TMEM132B: variants seen among roughly 807,000 people sequenced by gnomAD.
TMEM132B encodes transmembrane protein 132B.
TMEM132B carries 18 observed loss-of-function variants against 90.8 expected under a neutral mutation model. The ratio of observed to expected loss-of-function variants is 0.20; its 90% confidence interval spans 0.14 to 0.29. The LOEUF is 0.29. Among genes scored for constraint, TMEM132B ranks in the 10% least tolerant of loss-of-function variants. The probability of loss-of-function intolerance (pLI) is 1.00; values close to 1 mark genes in which losing one functional copy is unlikely to be tolerated. For missense variants in TMEM132B, 1,096 were observed against 1,326.8 expected (o/e 0.83, Z 2.70); for synonymous variants, 504 against 523.3 (o/e 0.96, Z 0.50).
chr12:125,463,352 G>A (rs1355280091), intron 3 of TMEM132B, among the ~76,000 whole-genome samples: 1 of 152,176 alleles, frequency 6.6e-6, no homozygotes, highest in Non-Finnish European at 1.5e-5. Flanking sequence ...GATGGCAATG[G>A]GGTGTGCTGT....
chr12:125,471,613 G>C (rs1373796704), intron 3 of TMEM132B, among the ~76,000 whole-genome samples: 2 of 152,180 alleles, frequency 1.3e-5, no homozygotes, highest in Admixed American at 1.3e-4. Flanking sequence ...CTTTGTCTGG[G>C]AAGAGCTCTC....
intron 3 of TMEM132B, among the ~76,000 whole-genome samples, chr12:125,480,117 A>G (rs1417033315): frequency 6.6e-6 from 1 of 152,230 alleles, no homozygotes; most frequent in East Asian, 1.9e-4. Context: ...CAGCGTGTAG[A>G]GGGAAATTTA....
intron 2 of TMEM132B, among the ~76,000 whole-genome samples, chr12:125,353,916 C>G (rs562626829): frequency 6.6e-6 from 1 of 152,084 alleles, no homozygotes; most frequent in Admixed American, 6.5e-5. Context: ...TCTTTTTTCC[C>G]TAAGAAGTTA....
chr12:125,346,851 T>G lies in TMEM132B; in HGVS notation c.68-2601T>G, dbSNP rs889947286. ...AGGAAGTTATGAGGTCGTTTTCAAT[T>G]AACATATTGTGTTTTCTCTTGACAC... On this transcript the variant is annotated intron_variant, in intron 1 of 8. Transcript: ENST00000682704. Among the ~76,000 whole-genome samples, 14 of 152,246 alleles carry G rather than the reference T, an allele frequency of 9.2e-5. 1 individual carries two copies. Among genetic ancestry groups the G allele is most frequent in the African/African-American group, 3.1e-4 (13 of 41,472 alleles).
At position 125,277,018 on chromosome 12, in the gene TMEM132B, G is replaced by T. The variant is rs1397344168; in HGVS notation, c.68-72434G>T. Among the ~76,000 whole-genome samples the T allele has an allele frequency of 6.6e-6, 1 of 152,222 alleles. No homozygotes were observed. Among genetic ancestry groups the T allele is most frequent in the Non-Finnish European group, 1.5e-5 (1 of 68,038 alleles). On this transcript the variant is annotated intron_variant, in intron 1 of 8. Coordinates refer to ENST00000682704, the MANE Select transcript of TMEM132B (RefSeq NM_001366854.1). The surrounding 1 kb of genome is among the most constrained non-coding windows in gnomAD (Gnocchi z 4.3). ...AGTCAGAAGGCTATGAGCTGGATTT[G>T]TGGGTACCGTGGGTTGAATTATGTC...
intron 2 of TMEM132B, among the ~76,000 whole-genome samples, chr12:125,377,282 A>G (rs1175296927): frequency 6.6e-6 from 1 of 152,230 alleles, no homozygotes; most frequent in Non-Finnish European, 1.5e-5. Flanking sequence ...GCAGGGACTT[A>G]TCCTGAAGGT....
chr12:125,576,864 T>A (rs1244584621), intron 4 of TMEM132B, among the ~76,000 whole-genome samples: 1 of 151,944 alleles, frequency 6.6e-6, no homozygotes, highest in Admixed American at 6.6e-5. Flanking sequence ...TGCTTGCATT[T>A]GTTTGCTAGT....
chr12:125,335,629 AAG>A (rs1366154889), intron 1 of TMEM132B, among the ~76,000 whole-genome samples: 7 of 152,248 alleles, frequency 4.6e-5, no homozygotes, highest in Non-Finnish European at 8.8e-5. Context: ...ATGGAGAATA[AAG>A]TCAGCTTTGT....
intron 5 of TMEM132B, among the ~76,000 whole-genome samples, chr12:125,593,815 G>A (rs1352834171): frequency 6.6e-6 from 1 of 152,172 alleles, no homozygotes; most frequent in Admixed American, 6.5e-5. Context: ...ATAATTATAA[G>A]ATGTAGACAA....
intron 4 of TMEM132B, among the ~76,000 whole-genome samples, chr12:125,521,026 TG>T (rs1242706211): frequency 6.6e-6 from 1 of 152,158 alleles, no homozygotes; most frequent in East Asian, 1.9e-4. Flanking sequence ...GGTTTTAAGG[TG>T]GAATGAAACT....
intron 1 of TMEM132B, among the ~76,000 whole-genome samples, chr12:125,253,526 C>G (rs1437962702): frequency 6.6e-6 from 1 of 151,554 alleles, no homozygotes; most frequent in Admixed American, 6.6e-5. Flanking sequence ...CCTCAACCTC[C>G]CAGGCTCAAG....
chr12:125,427,943 G>C (rs1035246991), intron 3 of TMEM132B, among the ~76,000 whole-genome samples: 5 of 152,128 alleles, frequency 3.3e-5, no homozygotes, highest in African/African-American at 9.7e-5. Flanking sequence ...TTCTGATGGG[G>C]TGTTGAAGAA....
intron 1 of TMEM132B, among the ~76,000 whole-genome samples, chr12:125,314,186 G>T (rs1876196319): frequency 6.6e-6 from 1 of 152,180 alleles, no homozygotes; most frequent in Non-Finnish European, 1.5e-5. Context: ...AATTCGAGGT[G>T]CAGGCTGCCA....
intron 3 of TMEM132B, among the ~76,000 whole-genome samples, chr12:125,479,535 A>G (rs1881984385): frequency 6.6e-6 from 1 of 152,238 alleles, no homozygotes; most frequent in African/African-American, 2.4e-5. Context: ...ATAATGGTAA[A>G]GGGAACAATT....
Position 125,492,240 on chromosome 12 carries a change from C to G in TMEM132B, c.1107-27199C>G, listed in dbSNP as rs1566052472. On this transcript the variant is annotated intron_variant, in intron 3 of 8. Coordinates refer to ENST00000682704, the MANE Select transcript of TMEM132B (RefSeq NM_001366854.1). This position sits in a 1 kb window ranked among gnomAD's most constrained non-coding sequence, Gnocchi z 5.8. ...GCCACTTGTGCAAATGTTTCCTGTG[C>G]AAGTTACACCTGCCGTGGCAGCTCA... is the stretch of plus-strand genomic sequence containing the variant. 6.6e-6 allele frequency among the ~76,000 whole-genome samples: 1 copy of G among 152,176 alleles called. No homozygotes were observed. Among genetic ancestry groups the G allele is most frequent in the Non-Finnish European group, 1.5e-5 (1 of 68,026 alleles).
At chr12:125,523,766 A>G (rs960772883) in intron 4 of TMEM132B, among the ~76,000 whole-genome samples, 1 of 152,184 alleles carries the variant, frequency 6.6e-6, no homozygotes, top group African/African-American at 2.4e-5. Context: ...AATGCCTCCC[A>G]GGCTGCTGCC....
chr12:125,231,620 A>G (rs1873825971), intron 1 of TMEM132B, among the ~76,000 whole-genome samples: 1 of 152,208 alleles, frequency 6.6e-6, no homozygotes, highest in Non-Finnish European at 1.5e-5. Context: ...CCCCTAAGAA[A>G]TATTATGCAG....
At chr12:125,328,849 T>G (rs1237321661) in intron 1 of TMEM132B, among the ~76,000 whole-genome samples, 1 of 152,204 alleles carries the variant, frequency 6.6e-6, no homozygotes, top group Non-Finnish European at 1.5e-5. Context: ...ACTCTCGCTT[T>G]TCTTTACTGG....
At chr12:125,582,763 A>G (rs1165392670) in intron 4 of TMEM132B, among the ~76,000 whole-genome samples, 1 of 152,166 alleles carries the variant, frequency 6.6e-6, no homozygotes, top group Non-Finnish European at 1.5e-5. Context: ...AGCTTTGTAC[A>G]TTGATTGATT....
Sources: allele counts gnomAD v4.1 joint callset (sites outside exome capture counted in the v4.1 genomes callset), GRCh38; gene constraint gnomAD v4.1.1; non-coding constraint Gnocchi (gnomAD v3.1); transcripts MANE v1.5; gene names NCBI Gene and HGNC (gene_info 2026-07-23, HGNC 2026-07-21).